Variants in NUDT3 observed in about 807,000 individuals in gnomAD.
NUDT3 encodes nudix hydrolase 3, also known as diphosphoinositol polyphosphate phosphohydrolase 1.
In NUDT3, 9 loss-of-function variants were observed where a neutral mutation model predicts 23.6. The observed-to-expected ratio is 0.38, with a 90% confidence interval of 0.23 to 0.66. NUDT3 has a LOEUF of 0.66. Among genes scored for constraint, NUDT3 ranks in the 30% least tolerant of loss-of-function variants. NUDT3 has a pLI of 0.52. For missense variants in NUDT3, 172 were observed against 218.5 expected (o/e 0.79, Z 1.34); for synonymous variants, 86 against 82.6 (o/e 1.04, Z -0.22).
chr6:34,288,581 C>T lies in NUDT3; in HGVS notation c.*172G>A. ...CCCTCAATAAAAACAGAAGAAAAAG[C>T]CCCATCACTTAACACCAAACAGCAA... On this transcript the variant is annotated 3_prime_UTR_variant, in exon 5 of 5. Transcript: ENST00000607016. 2 of 857,036 alleles carry T rather than the reference C, an allele frequency of 2.3e-6. No individual in the cohort carries two copies. The highest frequency in any genetic ancestry group is 1.7e-6 in the Non-Finnish European group (1 of 588,452). 53.1% of individuals were successfully genotyped at this position (857,036 alleles called of 1,614,324 possible). A position where few individuals can be genotyped will look rare whatever the true frequency, so the allele number is the denominator to read the frequency against.
chr6:34,297,728 A>AATATATATATATATATATATATATAT (rs1261169450), intron 2 of NUDT3, among the ~76,000 whole-genome samples: 1 of 52,108 alleles, frequency 1.9e-5, no homozygotes, highest in Non-Finnish European at 3.5e-5. Context: ...TAAAAAAAAA[A>AATATATATATATATATATATATATAT]AAATATATAT....
chr6:34,329,794 C>A (rs890910935), intron 2 of NUDT3, among the ~76,000 whole-genome samples: 2 of 152,106 alleles, frequency 1.3e-5, no homozygotes, highest in African/African-American at 4.8e-5. Flanking sequence ...AATGCTATCC[C>A]TCCCCCAACC....
At chr6:34,330,047 C>T (rs574473986) in intron 2 of NUDT3, among the ~76,000 whole-genome samples, 2 of 152,218 alleles carry the variant, frequency 1.3e-5, no homozygotes, top group Non-Finnish European at 2.9e-5. Context: ...TCCAGTCTAT[C>T]ATTGACGGAC....
chr6:34,359,327 C>A (rs1334926242), intron 1 of NUDT3, among the ~76,000 whole-genome samples: 2 of 152,084 alleles, frequency 1.3e-5, no homozygotes, highest in Non-Finnish European at 2.9e-5. Flanking sequence ...GAGCCGAGAT[C>A]GTGCTACTGC....
intron 4 of NUDT3, among the ~76,000 whole-genome samples, chr6:34,291,705 G>T (rs1485547270): frequency 3.3e-5 from 5 of 151,952 alleles, no homozygotes; most frequent in Non-Finnish European, 7.4e-5. Flanking sequence ...GTTTCACCAT[G>T]TTGGCCAGGC....
At chr6:34,340,592 C>T (rs1313201929) in intron 2 of NUDT3, among the ~76,000 whole-genome samples, 1 of 152,188 alleles carries the variant, frequency 6.6e-6, no homozygotes, top group Admixed American at 6.5e-5. Flanking sequence ...CCGGGTTAGC[C>T]TCCTTACCAC....
chr6:34,288,811 G>C lies in NUDT3; in HGVS notation c.461C>G (p.Pro154Arg), dbSNP rs764230893. Residue 154 changes from proline to arginine, a missense_variant, in exon 5 of 5, where the codon CCA becomes CGA. This residue lies in a region of NUDT3 where 63 missense variants were observed against 64.9 expected (regional missense o/e 0.97). Transcript: ENST00000607016. ...AACCGAGTATGTGGTGGCCACGACT[G>C]GGGTGCCATTGTTGGCTGAGTAGCC... ...RQGYSANNGTPVVATTYSVSA... is the reference protein window; with the variant it reads ...RQGYSANNGTRVVATTYSVSA... 1 of 1,614,092 alleles carries C rather than the reference G, an allele frequency of 6.2e-7. No homozygotes were observed. The highest frequency in any genetic ancestry group is 8.5e-7 in the Non-Finnish European group (1 of 1,180,008).
intron 2 of NUDT3, among the ~76,000 whole-genome samples, chr6:34,306,232 G>A (rs191074661): frequency 9.0e-4 from 137 of 152,292 alleles, no homozygotes; most frequent in African/African-American, 3.1e-3. Flanking sequence ...TTTACTAGGT[G>A]TACATTAAGT....
intron 2 of NUDT3, among the ~76,000 whole-genome samples, chr6:34,321,769 C>T (rs1269352739): frequency 6.6e-6 from 1 of 152,080 alleles, no homozygotes; most frequent in African/African-American, 2.4e-5. Context: ...AGGAAGCACA[C>T]AGCATACCTA....
chr6:34,384,788 T>C (rs1765077896), intron 1 of NUDT3, among the ~76,000 whole-genome samples: 1 of 152,116 alleles, frequency 6.6e-6, no homozygotes, highest in South Asian at 2.1e-4. Context: ...TCCTAGCACT[T>C]TGGGAGGCTG....
At chr6:34,388,298 T>G (rs1198574533) in intron 1 of NUDT3, among the ~76,000 whole-genome samples, 1 of 152,208 alleles carries the variant, frequency 6.6e-6, no homozygotes, top group Non-Finnish European at 1.5e-5. Context: ...TATTTTCATC[T>G]CTTTTTCTTC....
intron 2 of NUDT3, among the ~76,000 whole-genome samples, chr6:34,340,277 A>C (rs1764268694): frequency 6.6e-6 from 1 of 152,208 alleles, no homozygotes; most frequent in African/African-American, 2.4e-5. Context: ...ATGCGATATA[A>C]TAAGCCTGTT....
chr6:34,314,645 C>A (rs1053909574), intron 2 of NUDT3, among the ~76,000 whole-genome samples: 1 of 151,832 alleles, frequency 6.6e-6, no homozygotes, highest in Non-Finnish European at 1.5e-5. Flanking sequence ...TTATATACTT[C>A]ATTAACTTAA....
chr6:34,382,269 G>A (rs1011013688), intron 1 of NUDT3, among the ~76,000 whole-genome samples: 11 of 151,734 alleles, frequency 7.2e-5, no homozygotes, highest in African/African-American at 2.4e-4. Context: ...AGGGTGTGGT[G>A]GCACATGCCT....
intron 1 of NUDT3, among the ~76,000 whole-genome samples, chr6:34,379,142 T>C (rs1002238836): frequency 1.3e-5 from 2 of 152,238 alleles, no homozygotes; most frequent in African/African-American, 4.8e-5. Context: ...TCATGGAAAA[T>C]AGAAAAGTCC....
intron 2 of NUDT3, among the ~76,000 whole-genome samples, chr6:34,321,805 CCTAAAT>C (rs1043737023): frequency 3.9e-5 from 6 of 152,138 alleles, no homozygotes; most frequent in Admixed American, 3.9e-4. Flanking sequence ...AAATATTTAT[CCTAAAT>C]CTAATCAAGC....
chr6:34,360,237 CAAA>C (rs34629409), intron 1 of NUDT3, among the ~76,000 whole-genome samples: 915 of 50,650 alleles, frequency 0.018, 4 homozygotes, highest in Middle Eastern at 0.047. Flanking sequence ...GACCCTGTCT[CAAA>C]AAAAAAAAAA....
chr6:34,385,495 ATTG>A (rs1338488998), intron 1 of NUDT3, among the ~76,000 whole-genome samples: 5 of 152,164 alleles, frequency 3.3e-5, no homozygotes, highest in African/African-American at 1.2e-4. Flanking sequence ...GTTTGTTTGA[ATTG>A]TTAAGTTGTC....
intron 1 of NUDT3, among the ~76,000 whole-genome samples, chr6:34,379,955 T>C (rs1581901483): frequency 2.0e-5 from 3 of 151,452 alleles, no homozygotes; most frequent in Non-Finnish European, 1.5e-5. Context: ...TGCAACAAGC[T>C]GAGATCGAGC....
Sources: gnomAD v4.1 joint callset for allele counts (sites outside exome capture counted in the v4.1 genomes callset) on GRCh38, gnomAD v4.1.1 for gene constraint, gnomAD v4.1.1 regional missense constraint, MANE v1.5 for transcripts, NCBI Gene and HGNC (gene_info 2026-07-23, HGNC 2026-07-21) for gene names.